Variants in RAPGEF5 observed in about 807,000 individuals in gnomAD.
The protein encoded by RAPGEF5 is M-Ras-regulated GEF.
RAPGEF5 carries 65 observed loss-of-function variants against 125.2 expected under a neutral mutation model. The observed-to-expected ratio is 0.52, with a 90% CI of 0.43 to 0.64. The LOEUF is 0.64. RAPGEF5 is among the 30% of genes least tolerant of loss of function. RAPGEF5 has a pLI of 0.00. For synonymous variants in RAPGEF5, 391 were observed against 385.9 expected, an observed-to-expected ratio of 1.01 and a Z score of -0.16; for missense variants, 958 against 1,048.1, an observed-to-expected ratio of 0.91 and a Z score of 1.19.
chr7:22,334,841 C>T (rs1312570247), intron 1 of RAPGEF5, among the ~76,000 whole-genome samples: 1 of 152,208 alleles, frequency 6.6e-6, no homozygotes, highest in Non-Finnish European at 1.5e-5. Flanking sequence ...TTTGTAATCT[C>T]TACATTCTTC....
At position 22,322,018 on chromosome 7, in the gene RAPGEF5, T is replaced by C. The variant is rs181612187; in HGVS notation, c.232-3981A>G. 2.5e-3 allele frequency among the ~76,000 whole-genome samples: 378 copies of C among 152,254 alleles called. 2 individuals carry two copies. The highest frequency in any genetic ancestry group is 4.5e-3 in the Non-Finnish European group (306 of 68,000). Reference sequence around the variant, plus strand: ...AGTCGTCAAAGTTGGGGATAATGGGTCAGGTGCGGTGGATCACATCACTCT... The same window carrying C: ...AGTCGTCAAAGTTGGGGATAATGGGCCAGGTGCGGTGGATCACATCACTCT... On this transcript the variant is annotated intron_variant, in intron 1 of 25. Coordinates refer to ENST00000665637, the MANE Select transcript of RAPGEF5 (RefSeq NM_012294.5).
At chr7:22,203,030 T>C (rs1188467571) in intron 9 of RAPGEF5, 3 of 199,444 alleles carry the variant, frequency 1.5e-5, no homozygotes, top group South Asian at 6.4e-5. Flanking sequence ...ATTTTGTTTA[T>C]GTGTATGTGT....
chr7:22,328,925 A>T (rs1433924637), intron 1 of RAPGEF5, among the ~76,000 whole-genome samples: 2 of 152,218 alleles, frequency 1.3e-5, no homozygotes, highest in African/African-American at 2.4e-5. Context: ...GATTGCCTCA[A>T]ACTTACTGGA....
At chr7:22,192,384 T>C (rs923016830) in intron 11 of RAPGEF5, 2 of 152,240 alleles carry the variant, frequency 1.3e-5, no homozygotes, top group Non-Finnish European at 2.9e-5. Context: ...TCCTTTAGAA[T>C]GCAAAATAGA....
intron 11 of RAPGEF5, among the ~76,000 whole-genome samples, chr7:22,187,251 CA>C (rs1204705402): frequency 6.6e-6 from 1 of 152,044 alleles, no homozygotes; most frequent in Non-Finnish European, 1.5e-5. Flanking sequence ...ACATATTTTG[CA>C]AGGAAAGAAA....
At chr7:22,194,544 G>T in intron 9 of RAPGEF5, 1 of 951,122 alleles carries the variant, frequency 1.1e-6, no homozygotes, top group Non-Finnish European at 1.2e-6. Context: ...ACTTTAAAAG[G>T]CGGCAAGAAA....
intron 6 of RAPGEF5, among the ~76,000 whole-genome samples, chr7:22,272,097 A>G (rs184267809): frequency 2.4e-4 from 36 of 152,126 alleles, no homozygotes; most frequent in African/African-American, 8.2e-4. Flanking sequence ...CAATCCCAGC[A>G]CTTTGGGAGG....
chr7:22,326,594 C>G (rs370870738), intron 1 of RAPGEF5, among the ~76,000 whole-genome samples: 6 of 152,310 alleles, frequency 3.9e-5, no homozygotes, highest in African/African-American at 1.2e-4. Flanking sequence ...AGTAAGAACT[C>G]TTAATTTTGA....
At chr7:22,207,491 A>T (rs1351779188) in intron 9 of RAPGEF5, among the ~76,000 whole-genome samples, 1 of 152,204 alleles carries the variant, frequency 6.6e-6, no homozygotes. Context: ...ATAGTGGTTT[A>T]TCATTAAATT....
At chr7:22,169,708 A>G (rs1262010831) in intron 11 of RAPGEF5, among the ~76,000 whole-genome samples, 1 of 151,252 alleles carries the variant, frequency 6.6e-6, no homozygotes, top group East Asian at 1.9e-4. Flanking sequence ...AAAAAAAAAA[A>G]AAAAAGCTGG....
At chr7:22,175,457 G>C (rs1399150336) in intron 11 of RAPGEF5, among the ~76,000 whole-genome samples, 1 of 152,174 alleles carries the variant, frequency 6.6e-6, no homozygotes, top group Non-Finnish European at 1.5e-5. Context: ...AAGGAGCTGG[G>C]ATGAAAAATT....
At chr7:22,135,861 A>C (rs971467405) in intron 23 of RAPGEF5, among the ~76,000 whole-genome samples, 177 bp downstream of exon 23, 2 of 152,200 alleles carry the variant, frequency 1.3e-5, no homozygotes, top group Non-Finnish European at 2.9e-5. Flanking sequence ...TACGTATTCT[A>C]GGTATCTCAA....
chr7:22,351,891 C>A (rs1483527363), intron 1 of RAPGEF5, among the ~76,000 whole-genome samples: 1 of 152,164 alleles, frequency 6.6e-6, no homozygotes, highest in Non-Finnish European at 1.5e-5. Context: ...ATACTTTGTT[C>A]CTTTTTGAGA....
intron 11 of RAPGEF5, chr7:22,192,195 G>T (rs1196929374): frequency 6.5e-6 from 1 of 152,770 alleles, no homozygotes; most frequent in African/African-American, 2.4e-5. Flanking sequence ...TCTTTTAGCT[G>T]TTTATTTAGT....
At chr7:22,163,715 CTTG>C (rs1784076910) in intron 12 of RAPGEF5, among the ~76,000 whole-genome samples, 2 of 152,164 alleles carry the variant, frequency 1.3e-5, no homozygotes, top group African/African-American at 2.4e-5. Flanking sequence ...CCAATCTATT[CTTG>C]TTGTCTCCAA....
At chr7:22,145,944 T>G (rs1583409017) in intron 19 of RAPGEF5, among the ~76,000 whole-genome samples, 6 of 151,886 alleles carry the variant, frequency 4.0e-5, no homozygotes, top group Admixed American at 3.3e-4. Flanking sequence ...TAGAAGAGAT[T>G]TGTTTTTAAA....
At chr7:22,269,136 C>T (rs747211252) in intron 6 of RAPGEF5, among the ~76,000 whole-genome samples, 37 of 139,700 alleles carry the variant, frequency 2.6e-4, no homozygotes, top group Non-Finnish European at 4.5e-4. Context: ...GGAGGATGTA[C>T]GATAGCTTCC....
chr7:22,190,186 A>G (rs1784948309), intron 11 of RAPGEF5, among the ~76,000 whole-genome samples: 1 of 152,134 alleles, frequency 6.6e-6, no homozygotes, highest in Admixed American at 6.5e-5. Context: ...AGGCTGAGGC[A>G]GGAGAATCGC....
At chr7:22,308,606 A>G in intron 4 of RAPGEF5, 99 bp from the exon 5 acceptor site, 1 of 989,654 alleles carries the variant, frequency 1.0e-6, no homozygotes, top group African/African-American at 1.7e-5. Context: ...AATTGGGAGC[A>G]ATCAGGGTTA....
Sources: allele counts gnomAD v4.1 joint callset (sites outside exome capture counted in the v4.1 genomes callset), GRCh38; gene constraint gnomAD v4.1.1; transcripts MANE v1.5; gene names NCBI Gene and HGNC (gene_info 2026-07-23, HGNC 2026-07-21).